Variants in RBFOX1 observed in about 807,000 individuals in gnomAD.
RBFOX1 encodes the protein RNA binding fox-1 homolog 1, also known as RNA binding protein fox-1 homolog 1.
In RBFOX1, 8 loss-of-function variants were observed where a neutral mutation model predicts 57.7. That is an observed-to-expected ratio of 0.14 (90% CI 0.08 to 0.25). RBFOX1 has a LOEUF of 0.25. Among genes scored for constraint, RBFOX1 ranks in the 10% least tolerant of loss-of-function variants. The probability of loss-of-function intolerance (pLI) is 1.00; values close to 1 mark genes in which losing one functional copy is unlikely to be tolerated. For missense variants in RBFOX1, 611 were observed against 548.5 expected (o/e 1.11, Z -1.14); for synonymous variants, 326 against 222.4 (o/e 1.47, Z -4.15).
chr16:6,649,466 C>T (rs142284485), intron 2 of RBFOX1, among the ~76,000 whole-genome samples: 132 of 152,236 alleles, frequency 8.7e-4, no homozygotes, highest in Middle Eastern at 3.4e-3. Context: ...CACCCATCAC[C>T]CAAGCAGTGT....
chr16:5,757,764 A>C (rs2053451633), intron 3 of RBFOX1, among the ~76,000 whole-genome samples: 1 of 152,224 alleles, frequency 6.6e-6, no homozygotes, highest in African/African-American at 2.4e-5. Flanking sequence ...AGGCTTGAAA[A>C]GGTTAAGTAG....
At chr16:5,419,764 A>G (rs1256253413) in intron 1 of RBFOX1, among the ~76,000 whole-genome samples, 1 of 152,010 alleles carries the variant, frequency 6.6e-6, no homozygotes, top group East Asian at 1.9e-4. Context: ...TCTGGCTGCC[A>G]GCAGAAGGAG....
At chr16:7,504,614 A>G (rs922486560) in intron 4 of RBFOX1, among the ~76,000 whole-genome samples, 7 of 146,744 alleles carry the variant, frequency 4.8e-5, no homozygotes, top group African/African-American at 7.9e-5. Flanking sequence ...CTGGATTTGC[A>G]CTTATTCACT....
chr16:7,408,395 C>A (rs186232888), intron 4 of RBFOX1, among the ~76,000 whole-genome samples: 85 of 152,214 alleles, frequency 5.6e-4, no homozygotes, highest in South Asian at 8.3e-4. Flanking sequence ...CACAGTAAAC[C>A]ATTCAAAACT....
In RBFOX1 at chr16:7,001,380, G is replaced by GTGTATT. The variant is rs1568311430; in HGVS notation, c.-15-50672_-15-50671insTTGTAT. Among the ~76,000 whole-genome samples, 4 of 128,720 alleles carry GTGTATT rather than the reference G, an allele frequency of 3.1e-5. No individual in the cohort carries two copies. In the South Asian group the frequency reaches 9.5e-4, roughly 30 times the overall value. The allele number at this position is 128,720 out of a possible 152,430, so 84.4% of individuals were successfully genotyped here. Reference sequence around the variant, plus strand: ...TGTTTGTGTGTATGTGTATGTGTATGTGTATGTGTATGTGTATTTGTATAT... The same window carrying GTGTATT: ...TGTTTGTGTGTATGTGTATGTGTATGTGTATTTGTATGTGTATGTGTATTTGTATAT... On this transcript the variant is annotated intron_variant, in intron 3 of 15. Transcript: ENST00000550418.
chr16:6,824,617 T>G (rs1382800863), intron 3 of RBFOX1, among the ~76,000 whole-genome samples: 1 of 152,200 alleles, frequency 6.6e-6, no homozygotes, highest in African/African-American at 2.4e-5. Flanking sequence ...TGTCAACAGA[T>G]TACTCTGAAG....
At chr16:5,592,796 T>G (rs1203902527) in intron 2 of RBFOX1, among the ~76,000 whole-genome samples, 1 of 152,222 alleles carries the variant, frequency 6.6e-6, no homozygotes, top group Non-Finnish European at 1.5e-5. Context: ...TCAGCCTGCT[T>G]GCTTTCTCTT....
chr16:7,418,810 C>G (rs991568576), intron 4 of RBFOX1, among the ~76,000 whole-genome samples: 24 of 149,934 alleles, frequency 1.6e-4, no homozygotes, highest in African/African-American at 5.8e-4. Context: ...TCCTCTGTCT[C>G]TCTCACCTCT....
At position 7,711,866 on chromosome 16, in the gene RBFOX1, C is replaced by G. The variant is rs2084048390; in HGVS notation, c.*1121C>G. Reference sequence around the variant, plus strand: ...GAGATAATCATGGTATTTTCATCAGCTTGGTACTTTTTGAAACGTGACTGC... The same window carrying G: ...GAGATAATCATGGTATTTTCATCAGGTTGGTACTTTTTGAAACGTGACTGC... On this transcript the variant is annotated 3_prime_UTR_variant, in exon 16 of 16. Transcript: ENST00000550418. 1 of 152,554 alleles carries G rather than the reference C, an allele frequency of 6.6e-6. No homozygotes were observed. Among genetic ancestry groups the G allele is most frequent in the African/African-American group, 2.4e-5 (1 of 41,422 alleles). The allele number at this position is 152,554 out of a possible 1,614,324, so 9.5% of individuals were successfully genotyped here.
At chr16:5,460,248 C>G (rs1893519218) in intron 1 of RBFOX1, among the ~76,000 whole-genome samples, 1 of 152,226 alleles carries the variant, frequency 6.6e-6, no homozygotes, top group African/African-American at 2.4e-5. Context: ...AGCCCACTGA[C>G]TTTTGCAACC....
chr16:7,323,567 G>A (rs1046310828), intron 4 of RBFOX1, among the ~76,000 whole-genome samples: 3 of 152,250 alleles, frequency 2.0e-5, no homozygotes, highest in African/African-American at 2.4e-5. Flanking sequence ...CTCAGTTCAT[G>A]GGGATAGCTC....
chr16:7,590,750 T>G (rs2152919532), intron 7 of RBFOX1, among the ~76,000 whole-genome samples: 1 of 151,104 alleles, frequency 6.6e-6, no homozygotes, highest in East Asian at 2.0e-4. Context: ...TCCCAGCTAC[T>G]CGGGAGGCTG....
chr16:7,231,812 G>C (rs949320893), intron 4 of RBFOX1, among the ~76,000 whole-genome samples: 4 of 152,162 alleles, frequency 2.6e-5, no homozygotes, highest in Non-Finnish European at 5.9e-5. Flanking sequence ...AAAGACCACA[G>C]ATTATGTGAT....
chr16:6,320,041 C>A (rs2081579882), intron 2 of RBFOX1, among the ~76,000 whole-genome samples: 3 of 151,900 alleles, frequency 2.0e-5, no homozygotes, highest in Admixed American at 2.0e-4. Flanking sequence ...AGAATTGCGT[C>A]AATTTCAAAA....
At chr16:6,314,319 A>T (rs1451261193) in intron 1 of RBFOX1, among the ~76,000 whole-genome samples, 2 of 152,216 alleles carry the variant, frequency 1.3e-5, no homozygotes, top group Non-Finnish European at 2.9e-5. Flanking sequence ...GCCTTCCAGA[A>T]ATTCACAGCC....
chr16:7,289,616 C>T (rs1568051043), intron 4 of RBFOX1, among the ~76,000 whole-genome samples: 1 of 152,058 alleles, frequency 6.6e-6, no homozygotes, highest in Non-Finnish European at 1.5e-5. Context: ...ATAGTCATCA[C>T]CATCATCATC....
At chr16:5,543,583 C>G (rs1050025666) in intron 2 of RBFOX1, among the ~76,000 whole-genome samples, 2 of 151,546 alleles carry the variant, frequency 1.3e-5, no homozygotes, top group Non-Finnish European at 1.5e-5. Context: ...GATGAAGTCC[C>G]TAAAGGAATG....
At chr16:7,257,944 G>C (rs550258398) in intron 4 of RBFOX1, among the ~76,000 whole-genome samples, 19 of 152,194 alleles carry the variant, frequency 1.2e-4, no homozygotes, top group Non-Finnish European at 2.2e-4. Context: ...AGGGAGGAAA[G>C]GGGGAAAGAA....
At chr16:7,412,076 C>G (rs189220615) in intron 4 of RBFOX1, among the ~76,000 whole-genome samples, 25 of 152,072 alleles carry the variant, frequency 1.6e-4, no homozygotes, top group African/African-American at 6.0e-4. Flanking sequence ...TGTAGTTAAT[C>G]GTGATGTATT....
Sources: allele counts gnomAD v4.1 joint callset (sites outside exome capture counted in the v4.1 genomes callset), GRCh38; gene constraint gnomAD v4.1.1; transcripts MANE v1.5; gene names NCBI Gene and HGNC (gene_info 2026-07-23, HGNC 2026-07-21).